Variants in SLC44A5 observed in about 807,000 individuals in gnomAD.
SLC44A5 encodes choline transporter-like protein 5.
SLC44A5 carries 57 observed loss-of-function variants against 101.8 expected under a neutral mutation model. The observed-to-expected ratio is 0.56, with a 90% CI of 0.45 to 0.70. The LOEUF (loss-of-function observed/expected upper bound fraction) is 0.70, where lower values mean the gene tolerates loss of function less well. Among genes scored for constraint, SLC44A5 ranks in the 30% least tolerant of loss-of-function variants. SLC44A5 has a pLI of 0.00. For synonymous variants in SLC44A5, 281 were observed against 290.9 expected, an observed-to-expected ratio of 0.97 and a Z score of 0.35; for missense variants, 737 against 853.1, an observed-to-expected ratio of 0.86 and a Z score of 1.70.
chr1:75,341,908 A>G (rs1657914234), intron 3 of SLC44A5, among the ~76,000 whole-genome samples: 3 of 152,186 alleles, frequency 2.0e-5, no homozygotes, highest in Admixed American at 2.0e-4. Flanking sequence ...CATAGATCTG[A>G]GGAATGGGCC....
chr1:75,452,502 A>G (rs759869720), intron 2 of SLC44A5, among the ~76,000 whole-genome samples: 3 of 152,138 alleles, frequency 2.0e-5, no homozygotes, highest in Non-Finnish European at 2.9e-5. Context: ...AGAAAGTAAA[A>G]AGCAACCAGC....
At chr1:75,447,643 A>G (rs1389099015) in intron 2 of SLC44A5, among the ~76,000 whole-genome samples, 3 of 152,148 alleles carry the variant, frequency 2.0e-5, no homozygotes, top group Non-Finnish European at 4.4e-5. Context: ...CTTAAAATTG[A>G]AAGTGATGAT....
At chr1:75,670,752 C>T in the SLC44A5 span, among the ~76,000 whole-genome samples, 39,239 of 152,036 alleles carry the variant, frequency 0.26, 5,402 homozygotes, top group Middle Eastern at 0.37. Flanking sequence ...ATAGAAACCA[C>T]ACCCCCTCTT....
In SLC44A5 at chr1:75,274,976, T is replaced by C; in HGVS notation, c.242A>G (p.Gln81Arg). 1 of 1,612,642 alleles carries C rather than the reference T, an allele frequency of 6.2e-7. No homozygotes were observed. The highest frequency in any genetic ancestry group is 2.2e-5 in the East Asian group (1 of 44,840). ...PTDSQGHFCG[Q>R]KGTPNENKTI... Reference sequence around the variant, plus strand: ...TACTCACTCATTGGGAGTGCCCTTCTGGCCACAAAAGTGGCCCTGGCTGTC... The same window carrying C: ...TACTCACTCATTGGGAGTGCCCTTCCGGCCACAAAAGTGGCCCTGGCTGTC... Residue 81 changes from glutamine (Q) to arginine (R), a missense_variant, in exon 6 of 24, where the codon CAG becomes CGG. Gln to Arg is a conservative substitution (Grantham distance 43). This residue lies in a region of SLC44A5 where 665 missense variants were observed against 764.4 expected (regional missense o/e 0.87). Coordinates refer to ENST00000370859, the MANE Select transcript of SLC44A5 (RefSeq NM_001130058.2).
chr1:75,435,165 T>C (rs1664816091), intron 2 of SLC44A5, among the ~76,000 whole-genome samples: 1 of 152,168 alleles, frequency 6.6e-6, no homozygotes, highest in Admixed American at 6.6e-5. Context: ...CCATATTTGG[T>C]CCAAAATACT....
intron 7 of SLC44A5, among the ~76,000 whole-genome samples, chr1:75,244,710 G>A (rs1035501159): frequency 6.6e-6 from 1 of 151,960 alleles, no homozygotes; most frequent in Non-Finnish European, 1.5e-5. Context: ...GCTACTTCAC[G>A]AAGCCACCAC....
chr1:75,568,166 T>C (rs1326852243), intron 1 of SLC44A5, among the ~76,000 whole-genome samples: 2 of 152,182 alleles, frequency 1.3e-5, no homozygotes, highest in Non-Finnish European at 2.9e-5. Context: ...TAGCAGTAAA[T>C]TAGTTTAAAT....
At chr1:75,340,934 T>C (rs555462016) in intron 3 of SLC44A5, among the ~76,000 whole-genome samples, 11 of 152,230 alleles carry the variant, frequency 7.2e-5, no homozygotes, top group Non-Finnish European at 1.5e-4. Flanking sequence ...TGTGGTCTAG[T>C]TCCTACCTGA....
rs186474611 is a variant in SLC44A5, at chr1:75,454,212, G to A, written c.14-57591C>T. The stretch of plus-strand genomic sequence containing the variant: ...AAATGTAATTCTCCATGATCAAGTG[G>A]GCTTCATTTTTGGTATACAAGTTGG... On this transcript the variant is annotated intron_variant, in intron 2 of 23. Coordinates refer to ENST00000370859, the MANE Select transcript of SLC44A5 (RefSeq NM_001130058.2). Among the ~76,000 whole-genome samples, 609 of 152,046 alleles carry A rather than the reference G, an allele frequency of 4.0e-3. 4 individuals are homozygous for A. The highest frequency in any genetic ancestry group is 0.014 in the African/African-American group (585 of 41,498).
chr1:75,242,459 C>T (rs1178361091), intron 8 of SLC44A5, among the ~76,000 whole-genome samples: 1 of 151,758 alleles, frequency 6.6e-6, no homozygotes, highest in East Asian at 1.9e-4. Flanking sequence ...GTATCTCAAA[C>T]CTAGGTAAGG....
chr1:75,347,720 G>A (rs901011049), intron 3 of SLC44A5, among the ~76,000 whole-genome samples: 2 of 151,372 alleles, frequency 1.3e-5, no homozygotes, highest in African/African-American at 4.9e-5. Flanking sequence ...TACAGATTAA[G>A]ATAATCATAA....
intron 3 of SLC44A5, among the ~76,000 whole-genome samples, chr1:75,386,244 A>G (rs931479301): frequency 2.6e-5 from 4 of 152,126 alleles, no homozygotes; most frequent in African/African-American, 7.2e-5. Context: ...AAGGGTATTC[A>G]ATTAGGAAAA....
At chr1:75,426,457 A>C (rs899561398) in intron 2 of SLC44A5, among the ~76,000 whole-genome samples, 1 of 152,206 alleles carries the variant, frequency 6.6e-6, no homozygotes, top group Non-Finnish European at 1.5e-5. Flanking sequence ...TTTAAAAGCT[A>C]CAGTTAATAT....
rs1553199990 is a variant in SLC44A5 at position 75,537,034 on chromosome 1, A to AAAAAAAAAAAG, written c.13+4400_13+4401insCTTTTTTTTTT. Among the ~76,000 whole-genome samples the AAAAAAAAAAAG allele has an allele frequency of 6.9e-3, 128 of 18,640 alleles. 10 individuals are homozygous for AAAAAAAAAAAG. Among genetic ancestry groups the AAAAAAAAAAAG allele is most frequent in the Middle Eastern group, 0.042 (1 of 24 alleles). The allele number at this position is 18,640 out of a possible 152,430, so 12.2% of individuals were successfully genotyped here. ...AAAAAAAAAAAAAAAAAAAAAAAAA[A>AAAAAAAAAAAG]TATATATCTATGCCAAATGATTCTG... On this transcript the variant is annotated intron_variant, in intron 2 of 23. Transcript: ENST00000370859.
intron 2 of SLC44A5, among the ~76,000 whole-genome samples, chr1:75,527,428 C>A (rs1431345642): frequency 2.0e-5 from 3 of 150,858 alleles, no homozygotes; most frequent in Non-Finnish European, 4.4e-5. Context: ...ACACAGAAAG[C>A]CAAAAAAGCA....
At chr1:75,617,779 T>C in the SLC44A5 span, among the ~76,000 whole-genome samples, 1 of 152,244 alleles carries the variant, frequency 6.6e-6, no homozygotes, top group African/African-American at 2.4e-5. Flanking sequence ...TAAAAACTAC[T>C]CTTCTAGGTC....
intron 2 of SLC44A5, among the ~76,000 whole-genome samples, chr1:75,417,794 G>A (rs538776905): frequency 6.6e-6 from 1 of 152,318 alleles, no homozygotes; most frequent in African/African-American, 2.4e-5. Context: ...AAGAGCCAAG[G>A]CTAAAATCTT....
At chr1:75,556,699 A>G (rs1672234279) in intron 1 of SLC44A5, among the ~76,000 whole-genome samples, 1 of 152,232 alleles carries the variant, frequency 6.6e-6, no homozygotes, top group Admixed American at 6.6e-5. Flanking sequence ...TTCAAAAAGT[A>G]AAAAAGGGGA....
chr1:75,360,351 C>T, intron 3 of SLC44A5, among the ~76,000 whole-genome samples: 1 of 151,970 alleles, frequency 6.6e-6, no homozygotes, highest in East Asian at 1.9e-4. Flanking sequence ...TATTTTATTT[C>T]ATAGACGGGG....
Sources: allele counts gnomAD v4.1 joint callset (sites outside exome capture counted in the v4.1 genomes callset), GRCh38; gene constraint gnomAD v4.1.1; regional missense constraint gnomAD v4.1.1; transcripts MANE v1.5; gene names NCBI Gene and HGNC (gene_info 2026-07-23, HGNC 2026-07-21).